HTR1F: variants seen among roughly 807,000 people sequenced by gnomAD.
The protein encoded by HTR1F is 5-hydroxytryptamine receptor 1F, also known as 5-hydroxytryptamine (serotonin) receptor 1F, G protein-coupled.
HTR1F carries 17 observed loss-of-function variants against 24.0 expected under a neutral mutation model. The observed-to-expected ratio is 0.71, with a 90% CI of 0.48 to 1.06. The LOEUF is 1.06. Ranked by LOEUF, HTR1F falls within the 50% of genes least tolerant of loss-of-function variation. HTR1F has a pLI of 0.00. For missense variants in HTR1F, 391 were observed against 427.8 expected, an observed-to-expected ratio of 0.91 and a Z score of 0.76; for synonymous variants, 186 against 156.8, an observed-to-expected ratio of 1.19 and a Z score of -1.39.
At chr3:87,908,701 C>T (rs1323794662) in intron 2 of HTR1F, among the ~76,000 whole-genome samples, 1 of 151,938 alleles carries the variant, frequency 6.6e-6, no homozygotes, top group African/African-American at 2.4e-5. Context: ...TTAGCAGATG[C>T]TTAATCATTG....
chr3:87,940,677 G>A (rs184699241), intron 2 of HTR1F, among the ~76,000 whole-genome samples: 52 of 152,222 alleles, frequency 3.4e-4, no homozygotes, highest in African/African-American at 1.2e-3. Context: ...CAAGACACTC[G>A]TAAGCAAAAA....
intron 2 of HTR1F, among the ~76,000 whole-genome samples, chr3:87,915,971 C>A (rs1343794580): frequency 6.6e-6 from 1 of 152,018 alleles, no homozygotes; most frequent in Non-Finnish European, 1.5e-5. Flanking sequence ...CATCAGGTAA[C>A]CTATAAAGGA....
chr3:87,886,491 G>A (rs1705947472), intron 2 of HTR1F, among the ~76,000 whole-genome samples: 2 of 152,084 alleles, frequency 1.3e-5, no homozygotes, highest in South Asian at 4.1e-4. Flanking sequence ...TTCTGGCCAG[G>A]GCAATCAGGC....
intron 2 of HTR1F, among the ~76,000 whole-genome samples, chr3:87,873,127 CACACACAGAGAG>C (rs1268554027): frequency 2.1e-5 from 3 of 144,030 alleles, no homozygotes; most frequent in Non-Finnish European, 4.5e-5. Context: ...CACACACACA[CACACACAGAGAG>C]ATTTATGAGA....
chr3:87,836,223 T>A (rs191816570), intron 2 of HTR1F, among the ~76,000 whole-genome samples: 158 of 152,332 alleles, frequency 1.0e-3, no homozygotes, highest in Non-Finnish European at 1.9e-3. Flanking sequence ...TTCTATTCTG[T>A]TACTTTAGAG....
At chr3:87,926,443 A>C (rs1455958861) in intron 2 of HTR1F, among the ~76,000 whole-genome samples, 2 of 152,156 alleles carry the variant, frequency 1.3e-5, no homozygotes, top group Non-Finnish European at 2.9e-5. Flanking sequence ...CAGAACACTA[A>C]TAATAGTCTA....
At chr3:87,820,763 G>T (rs1704344208) in intron 1 of HTR1F, among the ~76,000 whole-genome samples, 1 of 151,740 alleles carries the variant, frequency 6.6e-6, no homozygotes, top group South Asian at 2.1e-4. Context: ...TTTCTTAATG[G>T]GGAAGGAATA....
chr3:87,977,459 CTT>C (rs1179192159), intron 2 of HTR1F, among the ~76,000 whole-genome samples: 47 of 130,848 alleles, frequency 3.6e-4, no homozygotes, highest in Non-Finnish European at 6.3e-4. Context: ...AGTGCAGTGG[CTT>C]GATCTCAGCT....
At chr3:87,933,901 C>T (rs969234398) in intron 2 of HTR1F, among the ~76,000 whole-genome samples, 1 of 152,140 alleles carries the variant, frequency 6.6e-6, no homozygotes, top group African/African-American at 2.4e-5. Context: ...TACTTTCCAG[C>T]CTATAATGAG....
At chr3:87,942,297 G>A (rs1704588038) in intron 2 of HTR1F, among the ~76,000 whole-genome samples, 1 of 152,118 alleles carries the variant, frequency 6.6e-6, no homozygotes, top group Non-Finnish European at 1.5e-5. Flanking sequence ...GTGACTGGCT[G>A]TCCTAGGACC....
chr3:87,834,192 T>C (rs904526447), intron 2 of HTR1F, among the ~76,000 whole-genome samples: 2 of 152,184 alleles, frequency 1.3e-5, no homozygotes, highest in African/African-American at 4.8e-5. Context: ...ATACTATACA[T>C]GCAATGTGAT....
At chr3:87,797,892 G>A (rs185959684) in intron 1 of HTR1F, among the ~76,000 whole-genome samples, 2 of 152,266 alleles carry the variant, frequency 1.3e-5, no homozygotes, top group East Asian at 3.9e-4. Context: ...TACTGTGGGA[G>A]CAAACCCTTT....
At chr3:87,970,470 C>T (rs1439754229) in intron 2 of HTR1F, among the ~76,000 whole-genome samples, 1 of 152,144 alleles carries the variant, frequency 6.6e-6, no homozygotes, top group Admixed American at 6.5e-5. Flanking sequence ...TGGGAATGTA[C>T]ATGAGAAATA....
chr3:87,932,936 T>C lies in HTR1F; in HGVS notation c.-42-57772T>C, dbSNP rs569744976. Among the ~76,000 whole-genome samples, 28 of 150,150 alleles carry C rather than the reference T, an allele frequency of 1.9e-4. No individual in the cohort carries two copies. The East Asian group carries it at 4.1e-3, about 22-fold the overall frequency. ...TTTAGACCAATATCCTTGATGAACA[T>C]TGATGCAAAAATCCTCAATAAAATA... On this transcript the variant is annotated intron_variant, in intron 2 of 2. Transcript: ENST00000319595.
intron 2 of HTR1F, among the ~76,000 whole-genome samples, chr3:87,954,100 T>C (rs1357173761): frequency 1.3e-5 from 2 of 151,666 alleles, no homozygotes; most frequent in Admixed American, 6.6e-5. Flanking sequence ...AAATGAATAG[T>C]CAGCTAAAAG....
intron 2 of HTR1F, among the ~76,000 whole-genome samples, chr3:87,896,654 G>A (rs75028008): frequency 0.2 from 30,271 of 152,054 alleles, 3,552 homozygotes; most frequent in African/African-American, 0.34. Flanking sequence ...GGGAAAAAGT[G>A]TTTGCAAATC....
intron 2 of HTR1F, among the ~76,000 whole-genome samples, chr3:87,838,821 T>TA (rs1229846099): frequency 0.014 from 2,037 of 140,878 alleles, 36 homozygotes; most frequent in African/African-American, 0.046. Flanking sequence ...ACTTCCTTCC[T>TA]AAAAAAAAAA....
At chr3:87,909,936 T>G (rs1431138662) in intron 2 of HTR1F, among the ~76,000 whole-genome samples, 1 of 152,028 alleles carries the variant, frequency 6.6e-6, no homozygotes, top group Non-Finnish European at 1.5e-5. Flanking sequence ...TCTTCTTATT[T>G]GATTAATACA....
intron 1 of HTR1F, among the ~76,000 whole-genome samples, chr3:87,794,838 T>A (rs989505270): frequency 6.6e-6 from 1 of 152,202 alleles, no homozygotes; most frequent in Admixed American, 6.6e-5. Flanking sequence ...ATATATTAAC[T>A]AGTTATATTG....
Sources: gnomAD v4.1 joint callset for allele counts (sites outside exome capture counted in the v4.1 genomes callset) on GRCh38, gnomAD v4.1.1 for gene constraint, MANE v1.5 for transcripts, NCBI Gene and HGNC (gene_info 2026-07-23, HGNC 2026-07-21) for gene names.